Variants in SHANK2 observed in about 807,000 individuals in gnomAD.
SHANK2 encodes SH3 and multiple ankyrin repeat domains protein 2.
SHANK2 carries 43 observed loss-of-function variants against 133.7 expected under a neutral mutation model. The ratio of observed to expected loss-of-function variants is 0.32; its 90% CI spans 0.25 to 0.41. The LOEUF is 0.41. Among genes scored for constraint, SHANK2 ranks in the 10% least tolerant of loss-of-function variants. SHANK2 has a pLI of 1.00. For synonymous variants in SHANK2, 1,017 were observed against 952.8 expected (o/e 1.07, Z -1.24); for missense variants, 1,994 against 2,235.8 (o/e 0.89, Z 2.18).
rs115765367 is a variant in SHANK2, at chr11:70,935,842, C to T, written c.1108-39275G>A. ...TAGCGACTCTTTGCCCTGAGTTCCT[C>T]GTCATGTGAGCGGGCCTCTTACACC... On this transcript the variant is annotated intron_variant, in intron 10 of 25. Coordinates refer to ENST00000601538, the MANE Select transcript of SHANK2 (RefSeq NM_012309.5). 2.7e-3 allele frequency among the ~76,000 whole-genome samples: 418 copies of T among 152,302 alleles called. 4 individuals carry two copies. Among genetic ancestry groups the T allele is most frequent in the African/African-American group, 8.7e-3 (361 of 41,566 alleles).
At chr11:70,809,468 C>T (rs529626792) in intron 12 of SHANK2, among the ~76,000 whole-genome samples, 2 of 152,324 alleles carry the variant, frequency 1.3e-5, no homozygotes, top group South Asian at 4.1e-4. Flanking sequence ...CTGTAATCAC[C>T]CGACTCATGT....
At chr11:70,952,758 G>A (rs34650500) in intron 10 of SHANK2, 4 of 441,326 alleles carry the variant, frequency 9.1e-6, no homozygotes, top group Admixed American at 7.5e-5. Flanking sequence ...GTCCGGGGGG[G>A]CCTGAGCAGC....
At chr11:70,502,746 C>CA (rs782310040) in intron 18 of SHANK2, 50 bp downstream of exon 18, 25 of 967,204 alleles carry the variant, frequency 2.6e-5, no homozygotes, top group East Asian at 5.2e-5. Context: ...CCCCCACCCC[C>CA]CCCCCCCAGT....
intron 3 of SHANK2, among the ~76,000 whole-genome samples, chr11:71,141,723 C>T (rs781882313): frequency 1.3e-5 from 2 of 152,128 alleles, no homozygotes; most frequent in African/African-American, 2.4e-5. Flanking sequence ...AGGCCCTGCA[C>T]GTAGACTCCA....
intron 3 of SHANK2, among the ~76,000 whole-genome samples, chr11:71,136,729 C>T (rs1283237185): frequency 1.3e-5 from 2 of 152,214 alleles, no homozygotes; most frequent in Admixed American, 6.5e-5. Context: ...CAGAAAGTGG[C>T]TTCCTGGTCG....
chr11:70,662,799 G>A (rs1944594432), intron 15 of SHANK2, among the ~76,000 whole-genome samples: 1 of 152,142 alleles, frequency 6.6e-6, no homozygotes, highest in Non-Finnish European at 1.5e-5. Flanking sequence ...AGCCCCCGAG[G>A]CACCCAGAGT....
intron 2 of SHANK2, among the ~76,000 whole-genome samples, chr11:71,201,929 C>T (rs1954028067): frequency 6.6e-6 from 1 of 152,248 alleles, no homozygotes; most frequent in Admixed American, 6.5e-5. Context: ...TTCAAAGGCA[C>T]AGCCATGAGC....
At chr11:70,847,300 G>A (rs1049493787) in intron 11 of SHANK2, among the ~76,000 whole-genome samples, 4 of 152,158 alleles carry the variant, frequency 2.6e-5, no homozygotes, top group East Asian at 3.9e-4. Context: ...GCCTCCTACC[G>A]CTGCAATTCT....
chr11:71,243,278 T>C (rs1954917142), intron 1 of SHANK2, among the ~76,000 whole-genome samples: 1 of 152,194 alleles, frequency 6.6e-6, no homozygotes, highest in African/African-American at 2.4e-5. Flanking sequence ...AACTACAAGT[T>C]GGTTATTTGA....
intron 14 of SHANK2, among the ~76,000 whole-genome samples, chr11:70,729,935 C>T (rs116892540): frequency 6.6e-6 from 1 of 150,574 alleles, no homozygotes; most frequent in Admixed American, 6.6e-5. Flanking sequence ...GGTGCCTGAG[C>T]CAGGTGGTCT....
intron 2 of SHANK2, among the ~76,000 whole-genome samples, chr11:71,155,485 G>A (rs1555108951): frequency 1.3e-5 from 2 of 151,806 alleles, no homozygotes; most frequent in African/African-American, 4.8e-5. Context: ...TCCCAGAGGA[G>A]GGATGGACCT....
intron 17 of SHANK2, among the ~76,000 whole-genome samples, chr11:70,629,535 C>T (rs1010643521): frequency 2.6e-5 from 4 of 152,036 alleles, no homozygotes; most frequent in Non-Finnish European, 4.4e-5. Flanking sequence ...CCCTGGGGGC[C>T]GCATGTGGTG....
At chr11:70,693,671 T>C (rs1159614171) in intron 15 of SHANK2, among the ~76,000 whole-genome samples, 1 of 152,244 alleles carries the variant, frequency 6.6e-6, no homozygotes, top group Non-Finnish European at 1.5e-5. Flanking sequence ...TTGTCTTGTT[T>C]ATATCCTCAG....
intron 5 of SHANK2, among the ~76,000 whole-genome samples, chr11:71,112,623 CA>C (rs2135233482): frequency 6.6e-6 from 1 of 152,212 alleles, no homozygotes; most frequent in South Asian, 2.1e-4. Flanking sequence ...GGAACAGCAC[CA>C]GGGGCCAGGG....
chr11:71,232,296 T>C (rs533180834), intron 1 of SHANK2, among the ~76,000 whole-genome samples: 1 of 152,170 alleles, frequency 6.6e-6, no homozygotes, highest in Non-Finnish European at 1.5e-5. Flanking sequence ...CAGCAGCATT[T>C]GAATCTCGAC....
At chr11:71,095,906 T>C (rs1951602375) in intron 6 of SHANK2, among the ~76,000 whole-genome samples, 1 of 150,732 alleles carries the variant, frequency 6.6e-6, no homozygotes, top group Non-Finnish European at 1.5e-5. Flanking sequence ...AGGCTTCCTG[T>C]CTTCCCCAAC....
chr11:71,234,364 A>AATAAATAC (rs1954796343), intron 1 of SHANK2, among the ~76,000 whole-genome samples: 1 of 138,666 alleles, frequency 7.2e-6, no homozygotes, highest in African/African-American at 2.7e-5. Flanking sequence ...TCATCTCAAA[A>AATAAATAC]ATAAATAAAT....
chr11:71,195,567 T>C (rs1953887319), intron 2 of SHANK2, among the ~76,000 whole-genome samples: 1 of 152,184 alleles, frequency 6.6e-6, no homozygotes, highest in Non-Finnish European at 1.5e-5. Context: ...TTGCAATTAA[T>C]AAGGATTATT....
At chr11:70,884,834 C>A (rs182813139) in intron 11 of SHANK2, among the ~76,000 whole-genome samples, 6 of 152,298 alleles carry the variant, frequency 3.9e-5, no homozygotes, top group Non-Finnish European at 5.9e-5. Flanking sequence ...GATTCTCCTG[C>A]CTCACCCTCC....
Sources: gnomAD v4.1 joint callset for allele counts (sites outside exome capture counted in the v4.1 genomes callset) on GRCh38, gnomAD v4.1.1 for gene constraint, MANE v1.5 for transcripts, NCBI Gene and HGNC (gene_info 2026-07-23, HGNC 2026-07-21) for gene names.